The following DENND1B variants were observed in gnomAD, a reference collection of about 807,000 sequenced individuals.
DENND1B encodes the protein DENN domain containing 1B, also known as DENN domain-containing protein 1B.
Under a neutral mutation model 90.1 loss-of-function variants are expected in DENND1B, and 59 were observed. The observed-to-expected ratio is 0.65, with a 90% CI of 0.53 to 0.81. The LOEUF (loss-of-function observed/expected upper bound fraction) is 0.81. Ranked by LOEUF, DENND1B falls within the 40% of genes least tolerant of loss-of-function variation. The probability of loss-of-function intolerance (pLI) is 0.00; values close to 1 mark genes in which losing one functional copy is unlikely to be tolerated. For synonymous variants in DENND1B, 337 were observed against 324.6 expected (o/e 1.04, Z -0.41); for missense variants, 862 against 912.6 (o/e 0.94, Z 0.71).
At chr1:197,520,589 T>C (rs563071900) in intron 20 of DENND1B, among the ~76,000 whole-genome samples, 1 of 152,082 alleles carries the variant, frequency 6.6e-6, no homozygotes, top group East Asian at 1.9e-4. Context: ...ACAGACCTGG[T>C]GTAGCTATCA....
chr1:197,554,100 TAC>T (rs4026509), intron 15 of DENND1B, among the ~76,000 whole-genome samples: 20,336 of 139,688 alleles, frequency 0.15, 1,520 homozygotes, highest in Middle Eastern at 0.28. Flanking sequence ...TCAATGATTA[TAC>T]ACACACACAC....
intron 11 of DENND1B, among the ~76,000 whole-genome samples, chr1:197,614,229 T>C (rs1677436878): frequency 6.6e-6 from 1 of 150,996 alleles, no homozygotes; most frequent in Admixed American, 6.6e-5. Context: ...TAAAATGGGA[T>C]CACTTGTTAT....
intron 12 of DENND1B, among the ~76,000 whole-genome samples, chr1:197,607,980 T>C (rs1302448146): frequency 6.6e-6 from 1 of 150,672 alleles, no homozygotes; most frequent in Non-Finnish European, 1.5e-5. Context: ...AATAGTATTA[T>C]TCCTTAATAA....
At position 197,591,838 on chromosome 1, in the gene DENND1B, C is replaced by T. The variant is rs149065711; in HGVS notation, c.1047+3370G>A. Reference sequence around the variant, plus strand: ...TTAAGAAGTGTATCACGGCCGGGCGCGGTAGCTCACGCCTGTAATCCCAGC... The same window carrying T: ...TTAAGAAGTGTATCACGGCCGGGCGTGGTAGCTCACGCCTGTAATCCCAGC... On this transcript the variant is annotated intron_variant, in intron 14 of 22. Coordinates refer to ENST00000620048, the MANE Select transcript of DENND1B (RefSeq NM_001195215.2). Among the ~76,000 whole-genome samples the T allele has an allele frequency of 6.8e-3, 1,041 of 152,062 alleles. 9 individuals carry two copies. Among genetic ancestry groups the T allele is most frequent in the African/African-American group, 0.023 (972 of 41,486 alleles).
At chr1:197,516,632 G>T (rs1178573634) in intron 20 of DENND1B, among the ~76,000 whole-genome samples, 2 of 151,724 alleles carry the variant, frequency 1.3e-5, no homozygotes, top group East Asian at 3.9e-4. Flanking sequence ...AAAAGGCCTG[G>T]TCACAATCTT....
At chr1:197,571,654 C>T (rs1258128518) in intron 15 of DENND1B, among the ~76,000 whole-genome samples, 1 of 152,152 alleles carries the variant, frequency 6.6e-6, no homozygotes, top group Admixed American at 6.5e-5. Flanking sequence ...ATTTCCTTCA[C>T]TAGAAATATC....
intron 15 of DENND1B, among the ~76,000 whole-genome samples, chr1:197,555,406 C>T (rs1322554731): frequency 2.0e-5 from 3 of 152,044 alleles, no homozygotes; most frequent in African/African-American, 7.2e-5. Flanking sequence ...AAGAAACTAT[C>T]AATGGAGTAA....
At chr1:197,540,110 A>T in intron 19 of DENND1B, 39 bp from the exon 20 acceptor site, 1 of 1,418,228 alleles carries the variant, frequency 7.1e-7, no homozygotes, top group Non-Finnish European at 9.8e-7. Context: ...ATTGTAAAGT[A>T]CTCCTTTTAT....
intron 15 of DENND1B, among the ~76,000 whole-genome samples, chr1:197,562,561 C>T (rs972052578): frequency 6.6e-6 from 1 of 151,852 alleles, no homozygotes; most frequent in Non-Finnish European, 1.5e-5. Flanking sequence ...CCAGGAACCA[C>T]CCCCACATAA....
chr1:197,581,696 A>T (rs1674256175), intron 15 of DENND1B, among the ~76,000 whole-genome samples: 1 of 152,222 alleles, frequency 6.6e-6, no homozygotes. Context: ...ATGCAAAAAA[A>T]TTACTGTTTT....
At chr1:197,511,654 T>C (rs1469228372) in intron 22 of DENND1B, 74 bp downstream of exon 22, 3 of 1,226,154 alleles carry the variant, frequency 2.4e-6, no homozygotes, top group Non-Finnish European at 2.2e-6. Context: ...CAACAAAGAG[T>C]ATAAGATCCA....
chr1:197,704,850 A>C (rs1659371773), intron 3 of DENND1B, among the ~76,000 whole-genome samples: 1 of 152,148 alleles, frequency 6.6e-6, no homozygotes, highest in African/African-American at 2.4e-5. Context: ...GCAGAAAAAA[A>C]AAAATAAAGC....
intron 2 of DENND1B, among the ~76,000 whole-genome samples, chr1:197,750,245 T>C (rs911373382): frequency 6.6e-6 from 1 of 152,170 alleles, no homozygotes; most frequent in Non-Finnish European, 1.5e-5. Flanking sequence ...GCTCTTATAC[T>C]CACAGTGGCA....
intron 3 of DENND1B, among the ~76,000 whole-genome samples, chr1:197,701,622 AC>A (rs1264843719): frequency 6.6e-6 from 1 of 152,010 alleles, no homozygotes; most frequent in Non-Finnish European, 1.5e-5. Context: ...AGAACAGCTC[AC>A]ATCTGATTCC....
chr1:197,543,585 TA>T (rs1057261130), intron 18 of DENND1B, among the ~76,000 whole-genome samples: 3 of 151,624 alleles, frequency 2.0e-5, no homozygotes, highest in African/African-American at 4.8e-5. Flanking sequence ...TATTTCATTG[TA>T]AAAAAAAATC....
intron 14 of DENND1B, among the ~76,000 whole-genome samples, 172 bp downstream of exon 14, chr1:197,595,036 A>G (rs1433436298): frequency 6.6e-6 from 1 of 152,196 alleles, no homozygotes; most frequent in Non-Finnish European, 1.5e-5. Flanking sequence ...AAAAATAAAA[A>G]GTCAAAAATT....
intron 18 of DENND1B, among the ~76,000 whole-genome samples, chr1:197,544,575 C>T (rs1338578772): frequency 4.6e-5 from 7 of 152,098 alleles, no homozygotes; most frequent in South Asian, 2.1e-4. Context: ...CTTACAGCAG[C>T]GGTGTCCAAC....
intron 20 of DENND1B, among the ~76,000 whole-genome samples, chr1:197,523,682 C>A (rs746031803): frequency 6.6e-6 from 1 of 152,126 alleles, no homozygotes; most frequent in Non-Finnish European, 1.5e-5. Context: ...CCATTACAGG[C>A]AATGATATCA....
chr1:197,685,043 AG>A (rs1473066468), intron 3 of DENND1B, among the ~76,000 whole-genome samples: 1 of 151,942 alleles, frequency 6.6e-6, no homozygotes, highest in East Asian at 1.9e-4. Context: ...GCTTGAACCC[AG>A]GGGGCAGAGG....
Sources: allele counts gnomAD v4.1 joint callset (sites outside exome capture counted in the v4.1 genomes callset), GRCh38; gene constraint gnomAD v4.1.1; transcripts MANE v1.5; gene names NCBI Gene and HGNC (gene_info 2026-07-23, HGNC 2026-07-21).